Variants in SKA2 observed in about 807,000 individuals in gnomAD.
SKA2 encodes spindle and kinetochore-associated protein 2.
A neutral mutation model predicts 16.9 loss-of-function variants in SKA2; 13 were observed. That is an observed-to-expected ratio of 0.77 (90% CI 0.50 to 1.22). SKA2 has a LOEUF of 1.22. SKA2 is among the 50% of genes most tolerant of loss of function. The pLI, the probability that SKA2 is intolerant of heterozygous loss-of-function variation, is 0.00. For missense variants in SKA2, 107 were observed against 139.7 expected (o/e 0.77, Z 1.18); for synonymous variants, 47 against 48.5 (o/e 0.97, Z 0.13).
intron 1 of SKA2, among the ~76,000 whole-genome samples, chr17:59,153,797 G>A (rs2046595654): frequency 6.7e-6 from 1 of 150,246 alleles, no homozygotes; most frequent in South Asian, 2.1e-4. Context: ...TTTTTTTTGA[G>A]ACGTTGTCTC....
chr17:59,144,539 G>A (rs2046517340), intron 1 of SKA2, among the ~76,000 whole-genome samples: 1 of 152,162 alleles, frequency 6.6e-6, no homozygotes, highest in East Asian at 1.9e-4. Context: ...GAATGGATAA[G>A]TAAAATGTAG....
rs1239282564 is a variant in SKA2 at position 59,130,040 on chromosome 17, G to A, written c.120+1241C>T. The stretch of plus-strand genomic sequence containing the variant: ...GGGAGGGAGGAAGAGAGAAAGAGGC[G>A]GGGGGGAGAGAGAGAAAGAAAAAAG... On this transcript the variant is annotated intron_variant, in intron 2 of 3. Transcript: ENST00000330137. Among the ~76,000 whole-genome samples, 6 of 134,230 alleles carry A rather than the reference G, an allele frequency of 4.5e-5. No individual in the cohort carries two copies. In the South Asian group the frequency reaches 1.1e-3, roughly 24 times the overall value. The allele number at this position is 134,230 out of a possible 152,430, so 88.1% of individuals were successfully genotyped here.
intron 1 of SKA2, among the ~76,000 whole-genome samples, chr17:59,133,303 A>T (rs1156617121): frequency 6.6e-6 from 1 of 152,212 alleles, no homozygotes; most frequent in Non-Finnish European, 1.5e-5. Context: ...TCAATGAATT[A>T]TTCTTAACTT....
At chr17:59,115,566 A>G (rs1377045782) in intron 3 of SKA2, among the ~76,000 whole-genome samples, 3 of 152,146 alleles carry the variant, frequency 2.0e-5, no homozygotes, top group Non-Finnish European at 4.4e-5. Flanking sequence ...AAAAAAGGAA[A>G]TGTTATTCTG....
Position 59,111,322 on chromosome 17 carries a change from GATTT to G in SKA2, c.*951_*954del, listed in dbSNP as rs1452215214. On this transcript the variant is annotated 3_prime_UTR_variant, in exon 4 of 4. Coordinates refer to ENST00000330137, the MANE Select transcript of SKA2 (RefSeq NM_182620.4). ...ACCTCTTATTGTATACATACAGCATGATTTATTTTCCTATTCACCTAGTACTAGC... is the reference window on the plus strand; with the variant it reads ...ACCTCTTATTGTATACATACAGCATGATTTTCCTATTCACCTAGTACTAGC... 6.6e-6 allele frequency: 1 copy of G among 152,162 alleles called. No individual in the cohort carries two copies. Among genetic ancestry groups the G allele is most frequent in the Non-Finnish European group, 1.5e-5 (1 of 68,030 alleles). The allele number at this position is 152,162 out of a possible 1,614,324, so 9.4% of individuals were successfully genotyped here.
intron 1 of SKA2, among the ~76,000 whole-genome samples, chr17:59,150,715 C>T (rs940990085): frequency 1.3e-5 from 2 of 152,036 alleles, no homozygotes; most frequent in African/African-American, 4.8e-5. Context: ...GCACTCCAGC[C>T]TGGGCAACAG....
intron 1 of SKA2, among the ~76,000 whole-genome samples, chr17:59,141,123 GCA>G (rs1401680751): frequency 2.0e-5 from 3 of 152,034 alleles, no homozygotes; most frequent in Non-Finnish European, 4.4e-5. Context: ...ATTCGGCTGG[GCA>G]CAGTGGCGCA....
At position 59,110,512 on chromosome 17, in the gene SKA2, G is replaced by C. The variant is rs1393407360; in HGVS notation, c.*1765C>G. 6.6e-6 allele frequency: 1 copy of C among 152,046 alleles called. No individual in the cohort carries two copies. Among genetic ancestry groups the C allele is most frequent in the Admixed American group, 6.6e-5 (1 of 15,248 alleles). The allele number at this position is 152,046 out of a possible 1,614,324, so 9.4% of individuals were successfully genotyped here. A position where few individuals can be genotyped will look rare whatever the true frequency, so the allele number is the denominator to read the frequency against. On this transcript the variant is annotated 3_prime_UTR_variant, in exon 4 of 4. Transcript: ENST00000330137. ...TTTCTCTGTAATTAAAAAAAAGGGG[G>C]CCAGGCACGGTAGCTCATGCCTGTA... is the stretch of plus-strand genomic sequence containing the variant.
chr17:59,142,763 C>T (rs77403093), intron 1 of SKA2, among the ~76,000 whole-genome samples: 51,563 of 150,766 alleles, frequency 0.34, 9,080 homozygotes, highest in African/African-American at 0.42. Flanking sequence ...CCCATCTCTA[C>T]TAAAAATACA....
chr17:59,114,517 T>G (rs533867323), intron 3 of SKA2, among the ~76,000 whole-genome samples: 48 of 152,318 alleles, frequency 3.2e-4, no homozygotes, highest in African/African-American at 1.1e-3. Flanking sequence ...TCTAAACATC[T>G]GAACATAAGA....
chr17:59,144,890 G>A (rs1057025821), intron 1 of SKA2, among the ~76,000 whole-genome samples: 2 of 152,104 alleles, frequency 1.3e-5, no homozygotes, highest in South Asian at 2.1e-4. Flanking sequence ...TCCACCTCCC[G>A]GGTTCAAGCA....
At chr17:59,125,538 T>C (rs188209312) in intron 2 of SKA2, among the ~76,000 whole-genome samples, 74 of 150,988 alleles carry the variant, frequency 4.9e-4, no homozygotes, top group African/African-American at 1.7e-3. Context: ...CCGTCTCTAA[T>C]AAAAATACAA....
intron 3 of SKA2, among the ~76,000 whole-genome samples, chr17:59,113,681 C>T (rs2046278090): frequency 6.6e-6 from 1 of 151,986 alleles, no homozygotes; most frequent in South Asian, 2.1e-4. Context: ...AAAAAATTAG[C>T]TGGGCATGGT....
chr17:59,147,091 G>A (rs1225300036), intron 1 of SKA2, among the ~76,000 whole-genome samples: 1 of 151,990 alleles, frequency 6.6e-6, no homozygotes, highest in African/African-American at 2.4e-5. Context: ...CTGCGAGACA[G>A]AGATTGCAGT....
chr17:59,118,764 A>AT (rs1288611206), intron 3 of SKA2, among the ~76,000 whole-genome samples: 1 of 151,878 alleles, frequency 6.6e-6, no homozygotes, highest in Non-Finnish European at 1.5e-5. Flanking sequence ...ATATTATTCT[A>AT]TTTTTTCCCC....
At chr17:59,140,687 T>C (rs917959263) in intron 1 of SKA2, among the ~76,000 whole-genome samples, 1 of 149,546 alleles carries the variant, frequency 6.7e-6, no homozygotes, top group African/African-American at 2.5e-5. Flanking sequence ...CTCGGCTCAC[T>C]GCAAGCTCTG....
chr17:59,115,606 G>A (rs1443822631), intron 3 of SKA2, among the ~76,000 whole-genome samples: 1 of 151,774 alleles, frequency 6.6e-6, no homozygotes, highest in African/African-American at 2.4e-5. Context: ...TTTTGTTTTT[G>A]TTTTAGAGAC....
At chr17:59,140,903 A>G in intron 1 of SKA2, among the ~76,000 whole-genome samples, 1 of 150,420 alleles carries the variant, frequency 6.6e-6, no homozygotes, top group South Asian at 2.1e-4. Flanking sequence ...GATTACAGGC[A>G]TGAGCCACCG....
chr17:59,124,674 G>T (rs544348518), intron 2 of SKA2, among the ~76,000 whole-genome samples: 40 of 152,230 alleles, frequency 2.6e-4, no homozygotes, highest in Middle Eastern at 3.4e-3. Flanking sequence ...AATCCTTGAG[G>T]ATCTCACAAA....
Sources: gnomAD v4.1 joint callset for allele counts (sites outside exome capture counted in the v4.1 genomes callset) on GRCh38, gnomAD v4.1.1 for gene constraint, MANE v1.5 for transcripts, NCBI Gene and HGNC (gene_info 2026-07-23, HGNC 2026-07-21) for gene names.